The following CDON variants were observed in gnomAD, a reference collection of about 807,000 sequenced individuals.
CDON encodes cell adhesion molecule-related/down-regulated by oncogenes.
Under a neutral mutation model 120.9 loss-of-function variants are expected in CDON, and 73 were observed. The ratio of observed to expected loss-of-function variants is 0.60; its 90% CI spans 0.50 to 0.73. The LOEUF (loss-of-function observed/expected upper bound fraction) is 0.73, where lower values mean the gene tolerates loss of function less well. Ranked by LOEUF, CDON falls within the 30% of genes least tolerant of loss-of-function variation. The pLI is 0.00. For missense variants in CDON, 1,470 were observed against 1,587.3 expected (o/e 0.93, Z 1.26); for synonymous variants, 566 against 573.5 (o/e 0.99, Z 0.19).
At chr11:126,006,992 G>C (rs1389276889) in intron 8 of CDON, among the ~76,000 whole-genome samples, 2 of 151,936 alleles carry the variant, frequency 1.3e-5, no homozygotes, top group Non-Finnish European at 2.9e-5. Context: ...AATGTTCATG[G>C]TGCTGCTGTG....
intron 14 of CDON, among the ~76,000 whole-genome samples, chr11:125,990,923 C>T (rs571922904): frequency 6.6e-6 from 1 of 152,216 alleles, no homozygotes; most frequent in African/African-American, 2.4e-5. Flanking sequence ...AAAAGGACCC[C>T]CCAAAAGATG....
At chr11:126,003,713 G>A (rs1368310694) in intron 10 of CDON, among the ~76,000 whole-genome samples, 189 bp downstream of exon 10, 3 of 152,238 alleles carry the variant, frequency 2.0e-5, no homozygotes, top group African/African-American at 2.4e-5. Context: ...ACAGCTACTC[G>A]GGAGGCTGAG....
intron 1 of CDON, among the ~76,000 whole-genome samples, chr11:126,057,287 T>C (rs1948703690): frequency 6.6e-6 from 1 of 152,188 alleles, no homozygotes; most frequent in South Asian, 2.1e-4. Context: ...AAATGAATTA[T>C]TATGAATTTC....
At chr11:126,001,392 C>G (rs572382031) in intron 11 of CDON, among the ~76,000 whole-genome samples, 1 of 152,116 alleles carries the variant, frequency 6.6e-6, no homozygotes, top group East Asian at 1.9e-4. Flanking sequence ...GTCTCCCCCT[C>G]TGTTGCCCAG....
chr11:126,054,335 A>G (rs1261947649), intron 1 of CDON, among the ~76,000 whole-genome samples: 1 of 152,242 alleles, frequency 6.6e-6, no homozygotes, highest in Non-Finnish European at 1.5e-5. Context: ...AATGTTGCAC[A>G]GAACTACTAC....
intron 7 of CDON, among the ~76,000 whole-genome samples, chr11:126,012,689 G>A (rs560192150): frequency 5.9e-5 from 9 of 152,018 alleles, no homozygotes; most frequent in African/African-American, 1.9e-4. Context: ...GATTACAGGC[G>A]TGAGCCACCG....
chr11:125,963,898 G>T (rs756766684), intron 18 of CDON, among the ~76,000 whole-genome samples: 21 of 152,180 alleles, frequency 1.4e-4, no homozygotes, highest in Admixed American at 1.3e-4. Context: ...GCAGAAGGAC[G>T]TTAACTGGAG....
intron 1 of CDON, among the ~76,000 whole-genome samples, chr11:126,031,520 G>A (rs1482496597): frequency 1.3e-5 from 2 of 152,164 alleles, no homozygotes; most frequent in Non-Finnish European, 2.9e-5. Context: ...AGAAAAAAGT[G>A]AATTGCTTGC....
intron 1 of CDON, among the ~76,000 whole-genome samples, chr11:126,054,195 C>A (rs1268736550): frequency 6.6e-6 from 1 of 152,056 alleles, no homozygotes; most frequent in Non-Finnish European, 1.5e-5. Context: ...TGTAAAAAGC[C>A]AGTAACTGTC....
chr11:126,017,065 A>C (rs780051639), intron 6 of CDON, 23 bp downstream of exon 6: 3 of 1,608,750 alleles, frequency 1.9e-6, no homozygotes, highest in Non-Finnish European at 2.6e-6. Context: ...TCATTTGAAA[A>C]AAATTAAAAA....
chr11:126,048,968 G>A (rs1223923022), intron 1 of CDON, among the ~76,000 whole-genome samples: 1 of 152,014 alleles, frequency 6.6e-6, no homozygotes, highest in African/African-American at 2.4e-5. Flanking sequence ...CTTCCAAAAT[G>A]CTGGGATTAC....
At chr11:125,984,414 A>G (rs1457309592) in intron 15 of CDON, among the ~76,000 whole-genome samples, 1 of 152,236 alleles carries the variant, frequency 6.6e-6, no homozygotes, top group Non-Finnish European at 1.5e-5. Context: ...GTTTCCACTT[A>G]GGCCGGGCGT....
chr11:125,975,602 G>T (rs545817761), intron 18 of CDON, among the ~76,000 whole-genome samples: 1 of 152,226 alleles, frequency 6.6e-6, no homozygotes, highest in South Asian at 2.1e-4. Context: ...ATGGTCCCAG[G>T]ACCATGGGCA....
chr11:126,019,842 G>C, intron 3 of CDON, 77 bp from the exon 4 acceptor site: 3 of 1,335,390 alleles, frequency 2.2e-6, no homozygotes, highest in Non-Finnish European at 3.2e-6. Flanking sequence ...TTACAAATTA[G>C]AAACAACATC....
chr11:126,008,468 G>A (rs1413369727), intron 8 of CDON, among the ~76,000 whole-genome samples: 1 of 152,166 alleles, frequency 6.6e-6, no homozygotes, highest in Non-Finnish European at 1.5e-5. Flanking sequence ...CATAAAAGTA[G>A]TATTTATCGA....
chr11:125,981,135 T>C lies in CDON; in HGVS notation c.3190A>G (p.Ser1064Gly), dbSNP rs143111106. ...PNAVNGIVNG[S>G]LNGGLYSGHS... is the part of the protein sequence containing the mutation. The stretch of plus-strand genomic sequence containing the variant: ...CCGGAGTAAAGCCCTCCATTTAGGC[T>C]CCCATTCACAATTCCATTGACTGCA... The change falls in exon 17 of 20, where the codon AGC (serine) becomes GGC (glycine). Residue 1064 changes from serine (S) to glycine (G), a missense_variant. By Grantham distance (56) the Ser-to-Gly change is moderately conservative. Transcript: ENST00000531738. 357 of 1,614,190 alleles carry C rather than the reference T, an allele frequency of 2.2e-4. 2 individuals carry two copies. In the Middle Eastern group the frequency reaches 7.1e-3, roughly 32 times the overall value.
At chr11:126,019,438 G>A (rs992082888) in intron 4 of CDON, among the ~76,000 whole-genome samples, 181 bp downstream of exon 4, 2 of 152,178 alleles carry the variant, frequency 1.3e-5, no homozygotes, top group African/African-American at 4.8e-5. Flanking sequence ...AAGGAACTGA[G>A]GGAGTGAGGC....
intron 1 of CDON, among the ~76,000 whole-genome samples, chr11:126,046,340 C>T (rs1407404995): frequency 1.3e-5 from 2 of 152,150 alleles, no homozygotes; most frequent in Non-Finnish European, 2.9e-5. Flanking sequence ...AAAGTCCAGG[C>T]ATTTCTAGAG....
intron 1 of CDON, among the ~76,000 whole-genome samples, chr11:126,047,180 A>G (rs1025519162): frequency 1.3e-5 from 2 of 152,178 alleles, no homozygotes; most frequent in Admixed American, 1.3e-4. Flanking sequence ...TATAAAAATC[A>G]GTGTTATTTA....
Sources: gnomAD v4.1 joint callset for allele counts (sites outside exome capture counted in the v4.1 genomes callset) on GRCh38, gnomAD v4.1.1 for gene constraint, MANE v1.5 for transcripts, NCBI Gene and HGNC (gene_info 2026-07-23, HGNC 2026-07-21) for gene names.